SGCZ: variants seen among roughly 807,000 people sequenced by gnomAD.
The protein encoded by SGCZ is zeta-sarcoglycan.
In SGCZ, 40 loss-of-function variants were observed where a neutral mutation model predicts 41.3. The ratio of observed to expected loss-of-function variants is 0.97; its 90% confidence interval spans 0.75 to 1.26. The LOEUF (loss-of-function observed/expected upper bound fraction) is 1.26. Among genes scored for constraint, SGCZ ranks in the 50% most tolerant of loss-of-function variants. SGCZ has a pLI of 0.00. For missense variants in SGCZ, 552 were observed against 369.8 expected, an observed-to-expected ratio of 1.49 and a Z score of -4.04; for synonymous variants, 206 against 137.5, an observed-to-expected ratio of 1.50 and a Z score of -3.49.
chr8:14,674,894 G>GTACAGTGA (rs1408039999), intron 1 of SGCZ, among the ~76,000 whole-genome samples: 3 of 137,108 alleles, frequency 2.2e-5, no homozygotes, highest in Non-Finnish European at 3.0e-5. Flanking sequence ...CATGCTTCCT[G>GTACAGTGA]TACAGTGAGC....
At chr8:14,188,838 G>GTTTTTTTGTTTTTTTTTTT (rs1404386476) in intron 4 of SGCZ, among the ~76,000 whole-genome samples, 1 of 22,892 alleles carries the variant, frequency 4.4e-5, no homozygotes, top group African/African-American at 1.5e-4. Context: ...TTTTTTGTTT[G>GTTTTTTTGTTTTTTTTTTT]TTTGTTTTTT....
intron 1 of SGCZ, among the ~76,000 whole-genome samples, chr8:15,146,156 T>G (rs139245161): frequency 4.9e-4 from 74 of 151,714 alleles, no homozygotes; most frequent in African/African-American, 1.7e-3. Flanking sequence ...AAAATTGAAA[T>G]AAATAGTAAC....
intron 1 of SGCZ, among the ~76,000 whole-genome samples, chr8:14,715,112 C>T (rs1015801396): frequency 2.0e-5 from 3 of 152,030 alleles, no homozygotes; most frequent in South Asian, 2.1e-4. Context: ...CACTTGTCTA[C>T]GATGCATATT....
chr8:14,964,763 T>A (rs1801077676), intron 1 of SGCZ, among the ~76,000 whole-genome samples: 1 of 152,192 alleles, frequency 6.6e-6, no homozygotes, highest in African/African-American at 2.4e-5. Context: ...CACAGAACTC[T>A]ACTAGGAGCT....
chr8:15,160,010 C>T (rs1398562173), intron 1 of SGCZ, among the ~76,000 whole-genome samples: 1 of 151,782 alleles, frequency 6.6e-6, no homozygotes, highest in Non-Finnish European at 1.5e-5. Flanking sequence ...TGTTGTTTTT[C>T]ACTTTTAATT....
At chr8:14,545,696 T>TA (rs1239911644) in intron 2 of SGCZ, among the ~76,000 whole-genome samples, 2 of 152,238 alleles carry the variant, frequency 1.3e-5, no homozygotes, top group Non-Finnish European at 2.9e-5. Flanking sequence ...TTCTTATAGA[T>TA]AAAAAAGGGC....
intron 2 of SGCZ, among the ~76,000 whole-genome samples, chr8:14,445,947 C>A (rs1800419794): frequency 6.6e-6 from 1 of 152,194 alleles, no homozygotes; most frequent in South Asian, 2.1e-4. Context: ...CTGCTGGATC[C>A]TGGAGTGGCT....
chr8:14,200,761 G>A (rs187566313), intron 4 of SGCZ, among the ~76,000 whole-genome samples: 8 of 152,122 alleles, frequency 5.3e-5, no homozygotes, highest in African/African-American at 1.7e-4. Context: ...ATTAACTATG[G>A]CACCCAAAGT....
intron 1 of SGCZ, among the ~76,000 whole-genome samples, chr8:14,930,566 G>A (rs1480056367): frequency 6.6e-6 from 1 of 151,998 alleles, no homozygotes; most frequent in Non-Finnish European, 1.5e-5. Flanking sequence ...GTTCACAATA[G>A]CAAAGACTTG....
At chr8:14,260,060 C>A (rs1319069973) in intron 3 of SGCZ, among the ~76,000 whole-genome samples, 9 of 151,998 alleles carry the variant, frequency 5.9e-5, no homozygotes, top group Admixed American at 3.9e-4. Context: ...TAGGTATTTT[C>A]TTCTCTTTGA....
At chr8:14,161,957 G>C (rs530749667) in intron 5 of SGCZ, among the ~76,000 whole-genome samples, 2 of 152,132 alleles carry the variant, frequency 1.3e-5, no homozygotes, top group East Asian at 3.9e-4. Context: ...AGAAGGGAGA[G>C]AGAGAGAAAG....
At chr8:14,113,334 G>A (rs1026951440) in intron 5 of SGCZ, among the ~76,000 whole-genome samples, 1 of 151,888 alleles carries the variant, frequency 6.6e-6, no homozygotes, top group African/African-American at 2.4e-5. Context: ...AACATATTTA[G>A]GGTTTACTGC....
intron 3 of SGCZ, among the ~76,000 whole-genome samples, chr8:14,249,936 A>T (rs1427357988): frequency 6.6e-6 from 1 of 152,240 alleles, no homozygotes; most frequent in Non-Finnish European, 1.5e-5. Context: ...GTGGGCAAAC[A>T]TTAAGAATAT....
At chr8:14,682,677 GC>G (rs1808488182) in intron 1 of SGCZ, among the ~76,000 whole-genome samples, 1 of 152,040 alleles carries the variant, frequency 6.6e-6, no homozygotes, top group Non-Finnish European at 1.5e-5. Context: ...CTTGTGATCG[GC>G]CCGCCTCGGC....
chr8:15,130,434 G>A (rs367736260), intron 1 of SGCZ, among the ~76,000 whole-genome samples: 3 of 152,262 alleles, frequency 2.0e-5, no homozygotes, highest in East Asian at 3.9e-4. Context: ...ATAAACACAC[G>A]ATTACCAAAA....
intron 4 of SGCZ, among the ~76,000 whole-genome samples, chr8:14,225,651 T>A (rs549764972): frequency 1.3e-5 from 2 of 152,232 alleles, no homozygotes; most frequent in East Asian, 3.9e-4. Flanking sequence ...TAAAGGAGCA[T>A]GTATAATAAA....
chr8:15,055,005 T>C (rs961281810), intron 1 of SGCZ, among the ~76,000 whole-genome samples: 15 of 151,530 alleles, frequency 9.9e-5, no homozygotes, highest in Admixed American at 2.0e-4. Context: ...ATGGCTGCCA[T>C]CCCAGTTTGT....
At chr8:14,758,994 G>A (rs544959456) in intron 1 of SGCZ, among the ~76,000 whole-genome samples, 1 of 144,100 alleles carries the variant, frequency 6.9e-6, no homozygotes, top group African/African-American at 2.7e-5. Context: ...GGCAACAGGA[G>A]TGAAACTCCA....
At chr8:14,895,493 T>A (rs73517328) in intron 1 of SGCZ, among the ~76,000 whole-genome samples, 1,874 of 152,184 alleles carry the variant, frequency 0.012, 45 homozygotes, top group African/African-American at 0.042. Flanking sequence ...AATTCAAAGA[T>A]GAGATTAAAG....
Sources: gnomAD v4.1 joint callset for allele counts (sites outside exome capture counted in the v4.1 genomes callset) on GRCh38, gnomAD v4.1.1 for gene constraint, MANE v1.5 for transcripts, NCBI Gene and HGNC (gene_info 2026-07-23, HGNC 2026-07-21) for gene names.